The following TMEM245 variants were observed in gnomAD, a reference collection of about 807,000 sequenced individuals.
TMEM245 encodes the protein protein CG-2.
Under a neutral mutation model 101.2 loss-of-function variants are expected in TMEM245, and 69 were observed. That is an observed-to-expected ratio of 0.68 (90% CI 0.56 to 0.83). The LOEUF is 0.83. Among genes scored for constraint, TMEM245 ranks in the 40% least tolerant of loss-of-function variants. The pLI is 0.00. For missense variants in TMEM245, 1,075 were observed against 1,092.8 expected, an observed-to-expected ratio of 0.98 and a Z score of 0.23; for synonymous variants, 537 against 449.8, an observed-to-expected ratio of 1.19 and a Z score of -2.45.
chr9:109,068,359 G>A (rs1242977536), intron 9 of TMEM245, among the ~76,000 whole-genome samples: 2 of 116,430 alleles, frequency 1.7e-5, no homozygotes, highest in Non-Finnish European at 3.4e-5. Flanking sequence ...GACAGAGCAA[G>A]ACACCATCTC....
intron 9 of TMEM245, among the ~76,000 whole-genome samples, chr9:109,071,072 G>T (rs544739591): frequency 6.6e-6 from 1 of 151,838 alleles, no homozygotes; most frequent in African/African-American, 2.4e-5. Flanking sequence ...GTAGAGATGG[G>T]GTTTCACCAT....
At chr9:109,100,673 T>G (rs559088068) in intron 3 of TMEM245, among the ~76,000 whole-genome samples, 6 of 152,316 alleles carry the variant, frequency 3.9e-5, no homozygotes, top group African/African-American at 1.4e-4. Flanking sequence ...AGTTTAAATC[T>G]TAGCTCCACT....
chr9:109,073,174 A>C (rs1320459606), intron 9 of TMEM245, 182 bp downstream of exon 9: 1 of 578,450 alleles, frequency 1.7e-6, no homozygotes, highest in East Asian at 2.9e-5. Context: ...AATCCTGAGC[A>C]CTTTCCTCCC....
At chr9:109,057,786 A>G (rs1828884070) in intron 11 of TMEM245, among the ~76,000 whole-genome samples, 1 of 152,204 alleles carries the variant, frequency 6.6e-6, no homozygotes, top group South Asian at 2.1e-4. Context: ...AACTCCATTT[A>G]AAGACCTGAA....
At chr9:109,118,615 T>C (rs1830794967) in intron 1 of TMEM245, among the ~76,000 whole-genome samples, 1 of 152,236 alleles carries the variant, frequency 6.6e-6, no homozygotes, top group Non-Finnish European at 1.5e-5. Flanking sequence ...GTCTCTCCCC[T>C]TCACGCGGTC....
In TMEM245 at chr9:109,105,494, C is replaced by T. The variant is rs373696718; in HGVS notation, c.799+1014G>A. 2.0e-5 allele frequency among the ~76,000 whole-genome samples: 3 copies of T among 152,306 alleles called. No individual in the cohort carries two copies. In the East Asian group the frequency reaches 5.8e-4, roughly 29 times the overall value. On this transcript the variant is annotated intron_variant, in intron 3 of 17. Transcript: ENST00000374586. ...ATTACCATACGACCCAGTAATTCTA[C>T]TCATAGGTAAACAAAGAACTGAAAA...
rs1330044355 is a variant in TMEM245 at position 109,033,405 on chromosome 9, T to C, written c.2496A>G (p.Ile832Met). The C allele has an allele frequency of 1.9e-6, 3 of 1,614,106 alleles. No homozygotes were observed. Among genetic ancestry groups the C allele is most frequent in the Non-Finnish European group, 2.5e-6 (3 of 1,180,008 alleles). Residue 832 changes from isoleucine to methionine, a missense_variant, in exon 17 of 18, where the codon ATA becomes ATG. By Grantham distance (10) the Ile-to-Met change is conservative. Around this residue, in one of 2 missense-constraint regions of TMEM245, gnomAD observed 267 missense variants for 351.3 expected, o/e 0.76. Coordinates refer to ENST00000374586, the MANE Select transcript of TMEM245 (RefSeq NM_032012.4). Reference protein sequence around the residue: ...GAIIGPILLCILVVASNIYSA... With the variant: ...GAIIGPILLCMLVVASNIYSA... ...TATAGATATTGGAAGCAACCACAAG[T>C]ATGCAGAGAAGAATAGGACCGATGA... is the stretch of plus-strand genomic sequence containing the variant.
chr9:109,045,077 A>G (rs1272388850), intron 14 of TMEM245, among the ~76,000 whole-genome samples: 1 of 152,098 alleles, frequency 6.6e-6, no homozygotes, highest in Non-Finnish European at 1.5e-5. Context: ...TTTTGTTGGG[A>G]GCATTCTGTA....
chr9:109,056,385 G>A (rs1037411907), intron 12 of TMEM245, among the ~76,000 whole-genome samples: 1 of 145,736 alleles, frequency 6.9e-6, no homozygotes, highest in African/African-American at 2.6e-5. Flanking sequence ...CTTGAGGTCA[G>A]GAGTTCAAGA....
intron 1 of TMEM245, among the ~76,000 whole-genome samples, chr9:109,113,087 G>C (rs1489973274): frequency 6.6e-6 from 1 of 152,158 alleles, no homozygotes; most frequent in African/African-American, 2.4e-5. Flanking sequence ...GCGGGGCCAG[G>C]GGCAGGGCGG....
rs959873890 is a variant in TMEM245 at position 109,017,515 on chromosome 9, G to C, written c.*2945C>G. The C allele has an allele frequency of 6.6e-6, 1 of 152,206 alleles. No individual in the cohort carries two copies. The highest frequency in any genetic ancestry group is 1.5e-5 in the Non-Finnish European group (1 of 68,042). 9.4% of individuals were successfully genotyped at this position (152,206 alleles called of 1,614,324 possible). On this transcript the variant is annotated 3_prime_UTR_variant, in exon 18 of 18. Transcript: ENST00000374586. The stretch of plus-strand genomic sequence containing the variant: ...ATCCCATGCCTTCTCTCTCAGAAAA[G>C]AGAGGAGCATACCTGTGTGGAGAGC...
rs199940608 is a variant in TMEM245 at position 109,086,018 on chromosome 9, G to C, written c.1323C>G (p.Leu441=). 17 of 1,613,656 alleles carry C rather than the reference G, an allele frequency of 1.1e-5. No individual in the cohort carries two copies. Among genetic ancestry groups the C allele is most frequent in the Non-Finnish European group, 1.4e-5 (16 of 1,179,968 alleles). Residue 441 remains leucine (L), a splice_region_variant and synonymous_variant, in exon 7 of 18, where the codon CTC becomes CTG. Coordinates refer to ENST00000374586, the MANE Select transcript of TMEM245 (RefSeq NM_032012.4). ...GKFLLKVDSK[L]WHWLNKKMII... is the part of the protein sequence containing the mutation. ...TTACCTTCTTATTTAGCCAGTGCCA[G>C]AGCTTGAGGATAGGGGGTAAGGTGA...
Position 109,093,495 on chromosome 9 carries a change from T to C in TMEM245, c.896A>G (p.Gln299Arg). Residue 299 changes from glutamine (Q) to arginine (R), a missense_variant, in exon 4 of 18, where the codon CAG (glutamine) becomes CGG (arginine). Transcript: ENST00000374586. ...GTCACCTGCAGGCTGAGTGGAGGGC[T>C]GGTCTTCACTGCTTGATTCATACCC... ...ITGYESSSED[Q>R]PSTQPAEAVD... 16 of 1,613,814 alleles carry C rather than the reference T, an allele frequency of 9.9e-6. No homozygotes were observed. Among genetic ancestry groups the C allele is most frequent in the Non-Finnish European group, 1.3e-5 (15 of 1,179,882 alleles).
intron 8 of TMEM245, among the ~76,000 whole-genome samples, chr9:109,073,953 C>CA (rs1416421822): frequency 1.3e-5 from 2 of 151,736 alleles, no homozygotes; most frequent in African/African-American, 4.8e-5. Flanking sequence ...CTCCACCCCC[C>CA]ACGTTCAAGC....
At chr9:109,060,807 T>C (rs1436407189) in intron 10 of TMEM245, among the ~76,000 whole-genome samples, 2 of 152,212 alleles carry the variant, frequency 1.3e-5, no homozygotes, top group Non-Finnish European at 1.5e-5. Flanking sequence ...TACATATGTC[T>C]CATGTTACAT....
intron 1 of TMEM245, among the ~76,000 whole-genome samples, chr9:109,112,992 C>T (rs549169417): frequency 1.2e-4 from 19 of 152,252 alleles, no homozygotes; most frequent in African/African-American, 4.1e-4. Flanking sequence ...AGGAGAATTG[C>T]TTGAACCCGG....
At chr9:109,058,934 C>G (rs79301963) in intron 11 of TMEM245, among the ~76,000 whole-genome samples, 1 of 152,158 alleles carries the variant, frequency 6.6e-6, no homozygotes, top group Non-Finnish European at 1.5e-5. Context: ...GTACAAAGAA[C>G]TGGAGCATCC....
intron 2 of TMEM245, 25 bp from the exon 3 acceptor site, chr9:109,106,634 T>C: frequency 6.4e-7 from 1 of 1,553,924 alleles, no homozygotes; most frequent in Non-Finnish European, 8.8e-7. Context: ...GAATTAACAT[T>C]TTTAGTGAAA....
intron 11 of TMEM245, among the ~76,000 whole-genome samples, chr9:109,059,925 A>G (rs1283445112): frequency 6.6e-6 from 1 of 151,986 alleles, no homozygotes; most frequent in African/African-American, 2.4e-5. Flanking sequence ...AAAATGATAT[A>G]AAATATCTTA....
Sources: gnomAD v4.1 joint callset for allele counts (sites outside exome capture counted in the v4.1 genomes callset) on GRCh38, gnomAD v4.1.1 for gene constraint, gnomAD v4.1.1 regional missense constraint, MANE v1.5 for transcripts, NCBI Gene and HGNC (gene_info 2026-07-23, HGNC 2026-07-21) for gene names.